Variants in MCF2L2 observed in about 807,000 individuals in gnomAD.
MCF2L2 encodes the protein MCF.2 cell line derived transforming sequence-like 2.
MCF2L2 carries 102 observed loss-of-function variants against 150.2 expected under a neutral mutation model. That is an observed-to-expected ratio of 0.68 (90% confidence interval 0.58 to 0.80). The LOEUF is 0.80. MCF2L2 is among the 30% of genes least tolerant of loss of function. The pLI is 0.00. For synonymous variants in MCF2L2, 465 were observed against 491.3 expected (o/e 0.95, Z 0.71); for missense variants, 1,256 against 1,372.8 (o/e 0.91, Z 1.34).
In MCF2L2 at chr3:183,301,014, CAAAAAA is replaced by C. The variant is rs11388183; in HGVS notation, c.1114-824_1114-819del. 2.2e-3 allele frequency among the ~76,000 whole-genome samples: 144 copies of C among 65,644 alleles called. 1 individual carries two copies. Among genetic ancestry groups the C allele is most frequent in the African/African-American group, 4.7e-3 (106 of 22,592 alleles). The allele number at this position is 65,644 out of a possible 152,430, so 43.1% of individuals were successfully genotyped here. The stretch of plus-strand genomic sequence containing the variant: ...TGGGTGACAGAGCAAGACTCCATCT[CAAAAAA>C]AAAAAAAAAAAAAAAAAGAAATATG... On this transcript the variant is annotated intron_variant, in intron 10 of 29. Transcript: ENST00000328913.
chr3:183,403,539 T>C (rs1430451537), intron 1 of MCF2L2, among the ~76,000 whole-genome samples: 3 of 152,206 alleles, frequency 2.0e-5, no homozygotes, highest in African/African-American at 7.2e-5. Flanking sequence ...CTTGCTCCAG[T>C]GGCCTTCTTG....
chr3:183,343,896 T>TGGCTAATTA lies in MCF2L2; in HGVS notation c.276-2267_276-2266insTAATTAGCC, dbSNP rs1196169230. Among the ~76,000 whole-genome samples, 9 of 152,158 alleles carry TGGCTAATTA rather than the reference T, an allele frequency of 5.9e-5. 1 individual carries two copies. The highest frequency in any genetic ancestry group is 2.2e-4 in the African/African-American group (9 of 41,524). The stretch of plus-strand genomic sequence containing the variant: ...TTACTTTTACTTACTATTAGCCAGG[T>TGGCTAATTA]GCAGTGGCTCACACCTGTAATCCCA... On this transcript the variant is annotated intron_variant, in intron 3 of 29. Coordinates refer to ENST00000328913, the MANE Select transcript of MCF2L2 (RefSeq NM_015078.4).
intron 15 of MCF2L2, chr3:183,265,535 C>G (rs1385629177): frequency 1.3e-5 from 2 of 152,388 alleles, no homozygotes; most frequent in Non-Finnish European, 2.9e-5. Context: ...TGCGTGGTCT[C>G]CATCCGCAAA....
At chr3:183,418,317 G>C (rs563334467) in intron 1 of MCF2L2, among the ~76,000 whole-genome samples, 4 of 152,168 alleles carry the variant, frequency 2.6e-5, no homozygotes, top group African/African-American at 4.8e-5. Flanking sequence ...AACATGTGGG[G>C]ACTCCAATTC....
intron 6 of MCF2L2, 143 bp from the exon 7 acceptor site, chr3:183,318,360 T>C (rs1293708954): frequency 4.4e-6 from 4 of 913,202 alleles, no homozygotes; most frequent in African/African-American, 1.7e-5. Flanking sequence ...CTGATTCTGA[T>C]AGGGAGATTA....
At chr3:183,240,956 C>A (rs182142923) in intron 15 of MCF2L2, among the ~76,000 whole-genome samples, 1 of 152,336 alleles carries the variant, frequency 6.6e-6, no homozygotes, top group African/African-American at 2.4e-5. Context: ...TGTATTGATG[C>A]CCTACTATGA....
chr3:183,180,423 ACAGT>A (rs1310138489), intron 27 of MCF2L2: 1 of 412,362 alleles, frequency 2.4e-6, no homozygotes, highest in Non-Finnish European at 4.3e-6. Context: ...CTCCAAGAAA[ACAGT>A]CATTGTTTTT....
chr3:183,352,650 G>A (rs1485510741), intron 3 of MCF2L2, among the ~76,000 whole-genome samples: 2 of 152,210 alleles, frequency 1.3e-5, no homozygotes, highest in East Asian at 1.9e-4. Flanking sequence ...AAAGAACAGC[G>A]CTTTGAGGGA....
chr3:183,361,122 A>AAGAAAAT (rs1712174363), intron 3 of MCF2L2, among the ~76,000 whole-genome samples: 1 of 91,106 alleles, frequency 1.1e-5, no homozygotes, highest in African/African-American at 8.3e-5. Flanking sequence ...AAAAAGAAAA[A>AAGAAAAT]GAAAAGAAAA....
intron 15 of MCF2L2, among the ~76,000 whole-genome samples, chr3:183,260,090 C>G (rs1038562149): frequency 1.3e-5 from 2 of 152,026 alleles, no homozygotes; most frequent in Admixed American, 1.3e-4. Context: ...GTGAGGAACA[C>G]AGGGATGGGG....
chr3:183,387,288 A>G (rs1157669037), intron 2 of MCF2L2, among the ~76,000 whole-genome samples: 3 of 151,998 alleles, frequency 2.0e-5, no homozygotes, highest in African/African-American at 7.2e-5. Flanking sequence ...AAGCAAAGAA[A>G]AAAAGAAGAC....
intron 10 of MCF2L2, among the ~76,000 whole-genome samples, chr3:183,301,319 C>T (rs73066046): frequency 0.076 from 11,629 of 152,140 alleles, 1,120 homozygotes; most frequent in African/African-American, 0.22. Flanking sequence ...TAATGGGAGA[C>T]AGAGGCAATA....
At chr3:183,346,160 G>A (rs1175129412) in intron 3 of MCF2L2, among the ~76,000 whole-genome samples, 14 of 152,174 alleles carry the variant, frequency 9.2e-5, no homozygotes, top group African/African-American at 1.9e-4. Flanking sequence ...ACATCAATGC[G>A]AAAATCCTCA....
Position 183,379,309 on chromosome 3 carries a change from G to C in MCF2L2, c.263C>G (p.Thr88Ser). ...GTGCTCAGCTCACCTGGGGATGCTA[G>C]TCAGGTAGGTCATGACATTCAGGAA... Reference protein sequence around the residue: ...EDFLNVMTYLTSIPSVEAASI... With the variant: ...EDFLNVMTYLSSIPSVEAASI... The change falls in exon 3 of 30, where the codon ACT becomes AGT. Residue 88 changes from threonine to serine, a missense_variant. Thr to Ser is a moderately conservative substitution (Grantham distance 58). Coordinates refer to ENST00000328913, the MANE Select transcript of MCF2L2 (RefSeq NM_015078.4). The C allele has an allele frequency of 1.9e-6, 3 of 1,608,236 alleles. No individual in the cohort carries two copies. Among genetic ancestry groups the C allele is most frequent in the Non-Finnish European group, 2.5e-6 (3 of 1,177,502 alleles).
In MCF2L2 at chr3:183,381,324, C is replaced by T. The variant is rs1354110525; in HGVS notation, c.161-1913G>A. ...AGAGGAGGACTCAGAGGAGCAAAGG[C>T]GGGCAGTGTACAGCCAATGCTATTC... On this transcript the variant is annotated intron_variant, in intron 2 of 29. Transcript: ENST00000328913. Among the ~76,000 whole-genome samples the T allele has an allele frequency of 2.6e-5, 4 of 152,122 alleles. 1 individual carries two copies. The South Asian group carries it at 6.2e-4, about 24-fold the overall frequency.
intron 15 of MCF2L2, among the ~76,000 whole-genome samples, chr3:183,239,722 T>C (rs150222928): frequency 2.0e-5 from 3 of 152,362 alleles, no homozygotes; most frequent in African/African-American, 7.2e-5. Context: ...ACATTATGCA[T>C]GTCAGAAAGC....
In MCF2L2 at chr3:183,341,596, T is replaced by A; in HGVS notation, c.310A>T (p.Ile104Phe). Residue 104 changes from isoleucine (I) to phenylalanine (F), a missense_variant, in exon 4 of 30, where the codon ATC becomes TTC. By Grantham distance (21) the Ile-to-Phe change is conservative. Transcript: ENST00000328913. ...CTCCACTTGTCTCTTCGTCTGTCGA[T>A]AACAACAATGAATCCAATGCTGGCA... ...EAASIGFIVVIDRRRDKWSSV... is the reference protein window; with the variant it reads ...EAASIGFIVVFDRRRDKWSSV... 6.2e-7 allele frequency: 1 copy of A among 1,614,152 alleles called. No individual in the cohort carries two copies. The highest frequency in any genetic ancestry group is 8.5e-7 in the Non-Finnish European group (1 of 1,180,004).
intron 5 of MCF2L2, among the ~76,000 whole-genome samples, chr3:183,334,892 T>C (rs9858710): frequency 0.26 from 39,238 of 150,938 alleles, 7,312 homozygotes; most frequent in African/African-American, 0.53. Flanking sequence ...ATGGCTTGAG[T>C]CCAGGAGTTT....
intron 27 of MCF2L2, among the ~76,000 whole-genome samples, chr3:183,186,909 A>G (rs1721715018): frequency 6.6e-6 from 1 of 152,248 alleles, no homozygotes. Context: ...AATGGTGATT[A>G]TATCTGGTTA....
Sources: gnomAD v4.1 joint callset for allele counts (sites outside exome capture counted in the v4.1 genomes callset) on GRCh38, gnomAD v4.1.1 for gene constraint, MANE v1.5 for transcripts, NCBI Gene and HGNC (gene_info 2026-07-23, HGNC 2026-07-21) for gene names.